Variants in PREP observed in about 807,000 individuals in gnomAD.
PREP encodes the protein dJ355L5.1 (prolyl endopeptidase).
Under a neutral mutation model 87.6 loss-of-function variants are expected in PREP, and 29 were observed. That is an observed-to-expected ratio of 0.33 (90% CI 0.25 to 0.45). The LOEUF (loss-of-function observed/expected upper bound fraction) is 0.45. Among genes scored for constraint, PREP ranks in the 20% least tolerant of loss-of-function variants. PREP has a pLI of 1.00. For missense variants in PREP, 695 were observed against 886.5 expected (o/e 0.78, Z 2.74); for synonymous variants, 337 against 328.6 (o/e 1.03, Z -0.28).
intron 10 of PREP, chr6:105,322,914 T>C: frequency 8.3e-7 from 1 of 1,211,010 alleles, no homozygotes; most frequent in East Asian, 5.8e-5. Flanking sequence ...CAGCGCTCTT[T>C]ATTCTCATCT....
At chr6:105,349,746 G>T (rs1038720119) in intron 7 of PREP, among the ~76,000 whole-genome samples, 1 of 152,052 alleles carries the variant, frequency 6.6e-6, no homozygotes, top group African/African-American at 2.4e-5. Context: ...ATATGAAATT[G>T]GAGGTTTCAC....
chr6:105,387,245 G>C (rs1205711692), intron 2 of PREP, among the ~76,000 whole-genome samples: 1 of 151,924 alleles, frequency 6.6e-6, no homozygotes, highest in Non-Finnish European at 1.5e-5. Context: ...AAAAGAAGTT[G>C]AGAGAAATCA....
chr6:105,273,338 G>C lies in PREP; in HGVS notation c.*4806C>G, dbSNP rs185398185. ...AATGACTTTTTAATACATTTACCAG[G>C]TTGTGCAACCGTTACTGAAATCCAG... On this transcript the variant is annotated 3_prime_UTR_variant, in exon 15 of 15. Coordinates refer to ENST00000652536, the MANE Select transcript of PREP (RefSeq NM_002726.5). The C allele has an allele frequency of 5.9e-5, 9 of 152,054 alleles. No homozygotes were observed. Among genetic ancestry groups the C allele is most frequent in the African/African-American group, 2.2e-4 (9 of 41,384 alleles). 9.4% of individuals were successfully genotyped at this position (152,054 alleles called of 1,614,324 possible).
chr6:105,394,921 T>G (rs1208974124), intron 2 of PREP, among the ~76,000 whole-genome samples: 1 of 151,054 alleles, frequency 6.6e-6, no homozygotes, highest in Non-Finnish European at 1.5e-5. Context: ...GTCAGAAATG[T>G]GGAGATCTAG....
intron 10 of PREP, among the ~76,000 whole-genome samples, chr6:105,312,598 T>G (rs1770779707): frequency 6.6e-6 from 1 of 152,194 alleles, no homozygotes. Context: ...AATTCAACTT[T>G]GAAGCAATGA....
At chr6:105,371,500 C>CAAAAAAAA (rs528772896) in intron 5 of PREP, among the ~76,000 whole-genome samples, 1 of 44,798 alleles carries the variant, frequency 2.2e-5, no homozygotes, top group African/African-American at 6.2e-5. Flanking sequence ...GATTCCATCT[C>CAAAAAAAA]AAAAAAAAAA....
chr6:105,325,943 T>C (rs1007060318), intron 9 of PREP, among the ~76,000 whole-genome samples: 2 of 152,068 alleles, frequency 1.3e-5, no homozygotes, highest in Admixed American at 6.5e-5. Flanking sequence ...ATGTTCCCAG[T>C]GTAATCTGAA....
At chr6:105,397,982 T>C (rs1012408488) in intron 1 of PREP, 55 bp from the exon 2 acceptor site, 44 of 1,327,896 alleles carry the variant, frequency 3.3e-5, no homozygotes, top group Non-Finnish European at 4.5e-5. Flanking sequence ...CAATTAAAAC[T>C]GGTATTTTTT....
At chr6:105,284,475 C>T (rs1770148498) in intron 12 of PREP, among the ~76,000 whole-genome samples, 1 of 152,166 alleles carries the variant, frequency 6.6e-6, no homozygotes, top group African/African-American at 2.4e-5. Flanking sequence ...TTTGGGATGG[C>T]ATGGGAAACA....
intron 1 of PREP, 37 bp from the exon 2 acceptor site, chr6:105,397,964 T>C (rs756846030): frequency 2.1e-6 from 3 of 1,432,740 alleles, no homozygotes; most frequent in East Asian, 4.6e-5. Flanking sequence ...ATAATTACTC[T>C]CTAACCCCAA....
At chr6:105,343,840 A>C (rs1362181856) in intron 7 of PREP, among the ~76,000 whole-genome samples, 1 of 152,246 alleles carries the variant, frequency 6.6e-6, no homozygotes, top group Non-Finnish European at 1.5e-5. Flanking sequence ...CACACCAGTT[A>C]GAATGGTGAT....
At chr6:105,402,167 T>A (rs984031178) in intron 1 of PREP, among the ~76,000 whole-genome samples, 2 of 152,126 alleles carry the variant, frequency 1.3e-5, no homozygotes, top group African/African-American at 4.8e-5. Flanking sequence ...TTCTAAGACC[T>A]CCTCTCACCC....
intron 14 of PREP, chr6:105,280,501 A>G (rs1458492633): frequency 6.6e-6 from 1 of 152,264 alleles, no homozygotes; most frequent in Non-Finnish European, 1.5e-5. Context: ...GTTGCAGGAT[A>G]CAATGGAAGT....
At chr6:105,308,474 T>C (rs532928954) in intron 10 of PREP, among the ~76,000 whole-genome samples, 2 of 152,278 alleles carry the variant, frequency 1.3e-5, no homozygotes, top group Non-Finnish European at 2.9e-5. Flanking sequence ...AAGGGAGGCA[T>C]AGTATAATTT....
At chr6:105,319,097 T>C (rs1294229961) in intron 10 of PREP, among the ~76,000 whole-genome samples, 1 of 152,246 alleles carries the variant, frequency 6.6e-6, no homozygotes, top group Admixed American at 6.5e-5. Flanking sequence ...AAGATTCTTC[T>C]TACTTTAGCA....
chr6:105,323,652 A>G lies in PREP; in HGVS notation c.1317+13T>C. 6.3e-7 allele frequency: 1 copy of G among 1,587,884 alleles called. No homozygotes were observed. Among genetic ancestry groups the G allele is most frequent in the Non-Finnish European group, 8.6e-7 (1 of 1,156,078 alleles). Reference sequence around the variant, plus strand: ...TCCTAACTCTCACATTAATGAGATCATATTCTCCATACCTGGACTGTCTGG... The same window carrying G: ...TCCTAACTCTCACATTAATGAGATCGTATTCTCCATACCTGGACTGTCTGG... On this transcript the variant is annotated intron_variant, in intron 10 of 14. Coordinates refer to ENST00000652536, the MANE Select transcript of PREP (RefSeq NM_002726.5).
At chr6:105,343,151 A>T (rs547759526) in intron 7 of PREP, among the ~76,000 whole-genome samples, 1 of 152,322 alleles carries the variant, frequency 6.6e-6, no homozygotes, top group East Asian at 1.9e-4. Flanking sequence ...AGTAACCAAA[A>T]CAGCATGGTA....
intron 3 of PREP, among the ~76,000 whole-genome samples, chr6:105,376,959 G>C (rs901608844): frequency 5.3e-5 from 8 of 152,246 alleles, no homozygotes; most frequent in Middle Eastern, 3.4e-3. Context: ...TCTGTAAGTG[G>C]GTGTTAACGG....
At chr6:105,330,681 G>C (rs546018990) in intron 8 of PREP, among the ~76,000 whole-genome samples, 17 of 152,092 alleles carry the variant, frequency 1.1e-4, no homozygotes, top group East Asian at 3.9e-4. Flanking sequence ...TGGAAGGGGG[G>C]GGTTCTTGAC....
Sources: allele counts gnomAD v4.1 joint callset (sites outside exome capture counted in the v4.1 genomes callset), GRCh38; gene constraint gnomAD v4.1.1; transcripts MANE v1.5; gene names NCBI Gene and HGNC (gene_info 2026-07-23, HGNC 2026-07-21).